Variants in LRRC37A2 observed in about 807,000 individuals in gnomAD.
LRRC37A2 encodes the protein leucine rich repeat containing 37 member A2.
In LRRC37A2, 9 loss-of-function variants were observed where a neutral mutation model predicts 68.8. The ratio of observed to expected loss-of-function variants is 0.13; its 90% CI spans 0.08 to 0.23. LRRC37A2 has a LOEUF of 0.23. LRRC37A2 is among the 10% of genes least tolerant of loss of function. The pLI is 1.00. For missense variants in LRRC37A2, 168 were observed against 950.4 expected, an observed-to-expected ratio of 0.18 and a Z score of 10.82; for synonymous variants, 63 against 367.6, an observed-to-expected ratio of 0.17 and a Z score of 9.48.
the LRRC37A2 span, chr17:46,938,766 C>T: frequency 6.2e-7 from 1 of 1,613,754 alleles, no homozygotes; most frequent in Non-Finnish European, 8.5e-7. Context: ...CATGAGCCAG[C>T]CACGCTCAGT....
chr17:46,918,797 T>C, the LRRC37A2 span, among the ~76,000 whole-genome samples: 1 of 152,196 alleles, frequency 6.6e-6, no homozygotes, highest in South Asian at 2.1e-4. Context: ...GCCTTGTCCT[T>C]TGTCTTTTTG....
chr17:46,817,781 T>G, the LRRC37A2 span, among the ~76,000 whole-genome samples: 1 of 152,138 alleles, frequency 6.6e-6, no homozygotes, highest in South Asian at 2.1e-4. Context: ...ACATGGAGAA[T>G]TGGATTTTTG....
At chr17:46,904,487 TGGATGG>T in the LRRC37A2 span, among the ~76,000 whole-genome samples, 2 of 147,756 alleles carry the variant, frequency 1.4e-5, no homozygotes, top group Non-Finnish European at 3.0e-5. Context: ...GATGGATGGA[TGGATGG>T]GTGGATGGGT....
At chr17:46,747,945 A>G in the LRRC37A2 span, among the ~76,000 whole-genome samples, 1 of 152,176 alleles carries the variant, frequency 6.6e-6, no homozygotes, top group South Asian at 2.1e-4. Flanking sequence ...CCATCTTAGG[A>G]TATGTAGTTT....
the LRRC37A2 span, among the ~76,000 whole-genome samples, chr17:46,716,195 A>G: frequency 6.6e-6 from 1 of 152,066 alleles, no homozygotes; most frequent in South Asian, 2.1e-4. Context: ...GTTTTTGAAA[A>G]TGAAATGTAA....
chr17:47,048,047 C>CT, the LRRC37A2 span, among the ~76,000 whole-genome samples: 88,155 of 136,452 alleles, frequency 0.65, 28,569 homozygotes, highest in East Asian at 0.81. Context: ...TTTTTCAAAA[C>CT]TTTTTTTTTT....
the LRRC37A2 span, among the ~76,000 whole-genome samples, chr17:46,839,918 TTCTTTC>T: frequency 1.3e-5 from 1 of 76,100 alleles, no homozygotes; most frequent in Non-Finnish European, 2.8e-5. Context: ...TCTCTTTTCT[TTCTTTC>T]TTTCTTTCTT....
rs550094369 is a variant in LRRC37A2, at chr17:46,549,079, G to C, written c.3940G>C (p.Val1314Leu). The C allele has an allele frequency of 2.5e-6, 4 of 1,611,844 alleles. No individual in the cohort carries two copies. The African/African-American group carries it at 5.5e-5, about 22-fold the overall frequency. Residue 1314 changes from valine (V) to leucine (L), a missense_variant, in exon 10 of 15, where the codon GTG becomes CTG. Coordinates refer to ENST00000576629, the Ensembl canonical transcript of LRRC37A2. ...CCGCTTTCACAAAACTCGCTCCCACGTGACCCACAGAACACCCAAAGTCAA... is the reference window on the plus strand; with the variant it reads ...CCGCTTTCACAAAACTCGCTCCCACCTGACCCACAGAACACCCAAAGTCAA...
chr17:46,870,839 A>G, the LRRC37A2 span, among the ~76,000 whole-genome samples: 1 of 150,014 alleles, frequency 6.7e-6, no homozygotes, highest in Non-Finnish European at 1.5e-5. Context: ...GTGGCACATG[A>G]GCAACAGTGG....
chr17:46,911,276 C>T, the LRRC37A2 span, among the ~76,000 whole-genome samples: 1 of 152,190 alleles, frequency 6.6e-6, no homozygotes, highest in South Asian at 2.1e-4. Flanking sequence ...TCTAAAAATA[C>T]TGAACTCTTT....
the LRRC37A2 span, among the ~76,000 whole-genome samples, chr17:46,959,173 G>C: frequency 2.0e-5 from 3 of 152,344 alleles, no homozygotes; most frequent in Non-Finnish European, 4.4e-5. Context: ...GTTGGGCGTA[G>C]TGGCAGAAGT....
the LRRC37A2 span, among the ~76,000 whole-genome samples, chr17:46,758,127 C>T: frequency 6.6e-6 from 1 of 152,216 alleles, no homozygotes; most frequent in Non-Finnish European, 1.5e-5. Flanking sequence ...AACTTCAAGG[C>T]TCTCAGTGAG....
At chr17:46,467,575 A>G in the LRRC37A2 span, among the ~76,000 whole-genome samples, 4 of 102,172 alleles carry the variant, frequency 3.9e-5, no homozygotes, top group Admixed American at 9.4e-5. Context: ...AGCAATTTAA[A>G]TATTAAACTA....
chr17:46,842,084 T>C, the LRRC37A2 span, among the ~76,000 whole-genome samples: 1 of 152,146 alleles, frequency 6.6e-6, no homozygotes, highest in Non-Finnish European at 1.5e-5. Context: ...TCCCTCCAGG[T>C]CCTCTCCCAC....
the LRRC37A2 span, among the ~76,000 whole-genome samples, chr17:46,802,269 T>TTTTA: frequency 6.6e-6 from 1 of 152,130 alleles, no homozygotes; most frequent in Non-Finnish European, 1.5e-5. Context: ...CTTTCTTTTC[T>TTTTA]TTTATTTATT....
At chr17:46,824,603 C>A in the LRRC37A2 span, among the ~76,000 whole-genome samples, 1 of 152,208 alleles carries the variant, frequency 6.6e-6, no homozygotes, top group African/African-American at 2.4e-5. Flanking sequence ...ATATGTTGTC[C>A]GTCTCCAACT....
At chr17:46,806,121 C>T in the LRRC37A2 span, among the ~76,000 whole-genome samples, 32 of 152,046 alleles carry the variant, frequency 2.1e-4, no homozygotes, top group African/African-American at 7.0e-4. Flanking sequence ...CCACTGGAGC[C>T]GCCCACTTGC....
chr17:46,804,490 T>C, the LRRC37A2 span, among the ~76,000 whole-genome samples: 4 of 152,230 alleles, frequency 2.6e-5, no homozygotes, highest in Admixed American at 2.0e-4. Context: ...AGGGAAGTGC[T>C]GTAAGACACC....
At chr17:46,807,668 A>T in the LRRC37A2 span, among the ~76,000 whole-genome samples, 1 of 152,230 alleles carries the variant, frequency 6.6e-6, no homozygotes, top group Non-Finnish European at 1.5e-5. Context: ...TCCCAAAGAC[A>T]AGTCTTTATT....
Sources: gnomAD v4.1 joint callset for allele counts (sites outside exome capture counted in the v4.1 genomes callset) on GRCh38, gnomAD v4.1.1 for gene constraint, MANE v1.5 for transcripts, NCBI Gene and HGNC (gene_info 2026-07-23, HGNC 2026-07-21) for gene names.